BTNL8: variants seen among roughly 807,000 people sequenced by gnomAD.
The protein encoded by BTNL8 is butyrophilin like 8.
BTNL8 carries 22 observed loss-of-function variants against 36.1 expected under a neutral mutation model. The observed-to-expected ratio is 0.61, with a 90% CI of 0.44 to 0.87. BTNL8 has a LOEUF of 0.87. Among genes scored for constraint, BTNL8 ranks in the 40% least tolerant of loss-of-function variants. BTNL8 has a pLI of 0.00. For synonymous variants in BTNL8, 203 were observed against 235.6 expected (o/e 0.86, Z 1.27); for missense variants, 526 against 616.9 (o/e 0.85, Z 1.56).
intron 3 of BTNL8, among the ~76,000 whole-genome samples, chr5:180,941,735 G>T (rs924669151): frequency 1.3e-5 from 2 of 151,854 alleles, no homozygotes; most frequent in Non-Finnish European, 2.9e-5. Context: ...AATATTTGAT[G>T]AAATTCAACA....
chr5:180,917,794 C>T (rs1383526330), intron 3 of BTNL8, among the ~76,000 whole-genome samples: 6 of 151,094 alleles, frequency 4.0e-5, no homozygotes, highest in Admixed American at 1.3e-4. Context: ...TCTGGGAGGC[C>T]GAGGTGGGTG....
At chr5:180,902,614 C>T (rs1344256648) in intron 1 of BTNL8, among the ~76,000 whole-genome samples, 69 of 150,458 alleles carry the variant, frequency 4.6e-4, no homozygotes, top group African/African-American at 1.5e-3. Context: ...CATGCTGGTG[C>T]GCTGCACCCA....
chr5:180,940,371 A>G (rs1314470358), intron 3 of BTNL8, among the ~76,000 whole-genome samples: 1 of 151,724 alleles, frequency 6.6e-6, no homozygotes, highest in Admixed American at 6.6e-5. Context: ...AACACAAGAT[A>G]CCAAAACATA....
intron 3 of BTNL8, among the ~76,000 whole-genome samples, chr5:180,923,933 C>G (rs1198001120): frequency 6.6e-6 from 1 of 152,142 alleles, no homozygotes; most frequent in East Asian, 1.9e-4. Context: ...TTTTTATACT[C>G]TTATTAAGGA....
Position 180,950,385 on chromosome 5 carries a change from C to T in BTNL8, c.1344C>T (p.Ser448=), listed in dbSNP as rs79689901. The T allele has an allele frequency of 6.2e-6, 9 of 1,462,942 alleles. 2 individuals carry two copies. The highest frequency in any genetic ancestry group is 8.5e-6 in the Non-Finnish European group (9 of 1,058,840). The allele number at this position is 1,462,942 out of a possible 1,614,324, so 90.6% of individuals were successfully genotyped here. A position where few individuals can be genotyped will look rare whatever the true frequency, so the allele number is the denominator to read the frequency against. Residue 448 remains serine (S), a synonymous_variant, in exon 8 of 8, where the codon TCC becomes TCT. Coordinates refer to ENST00000340184, the MANE Select transcript of BTNL8 (RefSeq NM_001040462.3). ...TGAGGCCCTACATTGAGTATCCGTCCTATAATGAGCAAAATGGAACTCCCA... is the reference window on the plus strand; with the variant it reads ...TGAGGCCCTACATTGAGTATCCGTCTTATAATGAGCAAAATGGAACTCCCA... ...GLLRPYIEYP[S]YNEQNGTPIV...
At position 180,950,339 on chromosome 5, in the gene BTNL8, C is replaced by T; in HGVS notation, c.1298C>T (p.Thr433Ile). ...GACCAGTCCCTTATTTATACCCTGA[C>T]ATGTCGGTTTGAAGGCTTATTGAGG... Reference protein sequence around the residue: ...INDQSLIYTLTCRFEGLLRPY... With the variant: ...INDQSLIYTLICRFEGLLRPY... Residue 433 changes from threonine (T) to isoleucine (I), a missense_variant, in exon 8 of 8, where the codon ACA (threonine) becomes ATA (isoleucine). Thr to Ile is a moderately conservative substitution (Grantham distance 89). Coordinates refer to ENST00000340184, the MANE Select transcript of BTNL8 (RefSeq NM_001040462.3). 4.8e-6 allele frequency: 7 copies of T among 1,463,658 alleles called. 1 individual carries two copies. The highest frequency in any genetic ancestry group is 6.6e-6 in the Non-Finnish European group (7 of 1,059,070). The allele number at this position is 1,463,658 out of a possible 1,614,324, so 90.7% of individuals were successfully genotyped here.
At chr5:180,913,541 T>A (rs150537925) in intron 3 of BTNL8, among the ~76,000 whole-genome samples, 2,909 of 152,308 alleles carry the variant, frequency 0.019, 92 homozygotes, top group African/African-American at 0.065. Context: ...CAAATGATAT[T>A]AAGGGTGTAA....
intron 3 of BTNL8, among the ~76,000 whole-genome samples, chr5:180,944,150 C>T (rs1759116181): frequency 6.6e-6 from 1 of 152,090 alleles, no homozygotes; most frequent in African/African-American, 2.4e-5. Flanking sequence ...GTAGGGGTTA[C>T]CAGAGACTGG....
At chr5:180,920,718 T>C (rs1336023129) in intron 3 of BTNL8, among the ~76,000 whole-genome samples, 2 of 152,072 alleles carry the variant, frequency 1.3e-5, no homozygotes, top group African/African-American at 4.8e-5. Flanking sequence ...GTCCAAAATA[T>C]GTAAGACACT....
At chr5:180,908,160 G>C (rs1055424563) in intron 1 of BTNL8, among the ~76,000 whole-genome samples, 1 of 152,158 alleles carries the variant, frequency 6.6e-6, no homozygotes, top group Non-Finnish European at 1.5e-5. Flanking sequence ...AGCAATCAGC[G>C]AGACTCTGTG....
chr5:180,907,343 G>A (rs1408140429), intron 1 of BTNL8, among the ~76,000 whole-genome samples: 2 of 121,294 alleles, frequency 1.6e-5, no homozygotes, highest in South Asian at 2.2e-4. Flanking sequence ...CATTCTTCAC[G>A]TAGTTCTTGA....
chr5:180,914,198 G>A (rs1757524350), intron 3 of BTNL8, among the ~76,000 whole-genome samples: 1 of 152,160 alleles, frequency 6.6e-6, no homozygotes, highest in Non-Finnish European at 1.5e-5. Flanking sequence ...CCATATGAAT[G>A]GGTTAGTGCC....
Position 180,950,018 on chromosome 5 carries a change from C to A in BTNL8, c.977C>A (p.Thr326Lys), listed in dbSNP as rs7703365. The A allele has an allele frequency of 0.16, 240,029 of 1,461,152 alleles. 63,972 individuals are homozygous for A. The highest frequency in any genetic ancestry group is 0.3 in the South Asian group (26,938 of 89,182). 90.5% of individuals were successfully genotyped at this position (1,461,152 alleles called of 1,614,324 possible). The change falls in exon 8 of 8, where the codon ACA (threonine) becomes AAA (lysine). Residue 326 changes from threonine to lysine, a missense_variant. Physicochemically the swap from Thr to Lys is moderately conservative, Grantham distance 78 (BLOSUM62 -1). This residue lies in a region of BTNL8 where 176 missense variants were observed against 292.3 expected (regional missense o/e 0.60). Transcript: ENST00000340184. Reference protein sequence around the residue: ...QEVPHSEKRFTRKSVVASQSF... With the variant: ...QEVPHSEKRFKRKSVVASQSF... Reference sequence around the variant, plus strand: ...GTGCCTCACTCTGAGAAGAGATTTACAAGGAAGAGTGTGGTGGCTTCTCAG... The same window carrying A: ...GTGCCTCACTCTGAGAAGAGATTTAAAAGGAAGAGTGTGGTGGCTTCTCAG...
At chr5:180,908,282 G>A (rs1254271712) in intron 1 of BTNL8, among the ~76,000 whole-genome samples, 10 of 148,722 alleles carry the variant, frequency 6.7e-5, no homozygotes, top group Admixed American at 6.7e-5. Context: ...TTCCAGGTGC[G>A]TCCGTCACCC....
chr5:180,950,126 T>C lies in BTNL8; in HGVS notation c.1085T>C (p.Val362Ala). ...RWRVGVCRDD[V>A]DRRKEYVTLS... The stretch of plus-strand genomic sequence containing the variant: ...CGCGTGGGAGTGTGCCGGGATGATG[T>C]GGACAGGAGGAAGGAGTACGTGACT... Residue 362 changes from valine to alanine, a missense_variant, in exon 8 of 8, where the codon GTG becomes GCG. Transcript: ENST00000340184. 2 of 1,462,484 alleles carry C rather than the reference T, an allele frequency of 1.4e-6. 1 individual carries two copies. Among genetic ancestry groups the C allele is most frequent in the Non-Finnish European group, 1.9e-6 (2 of 1,058,632 alleles). 90.6% of individuals were successfully genotyped at this position (1,462,484 alleles called of 1,614,324 possible). A position where few individuals can be genotyped will look rare whatever the true frequency, so the allele number is the denominator to read the frequency against.
Position 180,899,182 on chromosome 5 carries a change from C to A in BTNL8, c.-129C>A. On this transcript the variant is annotated 5_prime_UTR_variant, in exon 1 of 8. Coordinates refer to ENST00000340184, the MANE Select transcript of BTNL8 (RefSeq NM_001040462.3). The stretch of plus-strand genomic sequence containing the variant: ...TCAGAACAGCGCAGTTTGCCCTCCG[C>A]TCACGCAGAGCCTCTCCGTGGCTTC... The A allele has an allele frequency of 9.3e-7, 1 of 1,077,856 alleles. No individual in the cohort carries two copies. Among genetic ancestry groups the A allele is most frequent in the Non-Finnish European group, 1.4e-6 (1 of 712,704 alleles). 66.8% of individuals were successfully genotyped at this position (1,077,856 alleles called of 1,614,324 possible).
intron 3 of BTNL8, among the ~76,000 whole-genome samples, chr5:180,924,948 A>C (rs919526057): frequency 4.6e-5 from 7 of 152,166 alleles, no homozygotes; most frequent in Non-Finnish European, 8.8e-5. Context: ...GAAAAGCTTG[A>C]CAAAGGAATA....
chr5:180,936,051 G>A (rs1248638859), intron 3 of BTNL8, among the ~76,000 whole-genome samples: 1 of 151,982 alleles, frequency 6.6e-6, no homozygotes, highest in Non-Finnish European at 1.5e-5. Context: ...TGGGACTACA[G>A]GCACACACCA....
At chr5:180,920,730 A>C (rs1314765116) in intron 3 of BTNL8, among the ~76,000 whole-genome samples, 1 of 152,120 alleles carries the variant, frequency 6.6e-6, no homozygotes, top group Non-Finnish European at 1.5e-5. Context: ...TAAGACACTC[A>C]TACAACTCAA....
Sources: allele counts gnomAD v4.1 joint callset (sites outside exome capture counted in the v4.1 genomes callset), GRCh38; gene constraint gnomAD v4.1.1; regional missense constraint gnomAD v4.1.1; transcripts MANE v1.5; gene names NCBI Gene and HGNC (gene_info 2026-07-23, HGNC 2026-07-21).